ADAMTS17: variants seen among roughly 807,000 people sequenced by gnomAD.
ADAMTS17 encodes the protein ADAM metallopeptidase with thrombospondin type 1 motif 17.
ADAMTS17 carries 113 observed loss-of-function variants against 141.5 expected under a neutral mutation model. The ratio of observed to expected loss-of-function variants is 0.80; its 90% CI spans 0.69 to 0.93. ADAMTS17 has a LOEUF of 0.93. Ranked by LOEUF, ADAMTS17 falls within the 40% of genes least tolerant of loss-of-function variation. ADAMTS17 has a pLI of 0.00. For synonymous variants in ADAMTS17, 768 were observed against 630.6 expected, an observed-to-expected ratio of 1.22 and a Z score of -3.27; for missense variants, 1,659 against 1,517.9, an observed-to-expected ratio of 1.09 and a Z score of -1.54.
intron 3 of ADAMTS17, among the ~76,000 whole-genome samples, chr15:100,319,093 T>C (rs138567254): frequency 9.8e-4 from 150 of 152,348 alleles, no homozygotes; most frequent in African/African-American, 3.4e-3. Flanking sequence ...GAAGTGCATA[T>C]GAAATGACTC....
intron 7 of ADAMTS17, among the ~76,000 whole-genome samples, chr15:100,248,472 CTCTGCCAAGTCCCCATCTTG>C (rs1338448768): frequency 6.6e-6 from 1 of 152,208 alleles, no homozygotes; most frequent in Admixed American, 6.5e-5. Context: ...ACGACCTCAC[CTCTGCCAAGTCCCCATCTTG>C]TCACCTCCCT....
At chr15:100,074,387 AT>A (rs1387033855) in intron 15 of ADAMTS17, among the ~76,000 whole-genome samples, 1 of 133,960 alleles carries the variant, frequency 7.5e-6, no homozygotes. Context: ...GCATAATATA[AT>A]CATATTAAAG....
At chr15:99,979,516 C>T (rs947944446) in intron 20 of ADAMTS17, 6 of 152,228 alleles carry the variant, frequency 3.9e-5, no homozygotes, top group Admixed American at 1.3e-4. Flanking sequence ...GCCACGGAGC[C>T]GAACGCTAAA....
At chr15:99,990,093 T>C (rs1293095137) in intron 20 of ADAMTS17, among the ~76,000 whole-genome samples, 1 of 152,248 alleles carries the variant, frequency 6.6e-6, no homozygotes, top group Non-Finnish European at 1.5e-5. Flanking sequence ...TGGAGTGCAG[T>C]GGTGCAATAA....
chr15:100,214,201 C>T (rs1596295175), intron 7 of ADAMTS17, among the ~76,000 whole-genome samples: 1 of 152,072 alleles, frequency 6.6e-6, no homozygotes, highest in Non-Finnish European at 1.5e-5. Context: ...TCAGCCATGT[C>T]GACAGGGAAG....
intron 3 of ADAMTS17, among the ~76,000 whole-genome samples, chr15:100,309,170 C>T (rs1022301189): frequency 6.6e-6 from 1 of 152,150 alleles, no homozygotes; most frequent in Non-Finnish European, 1.5e-5. Flanking sequence ...AAATCCTGGG[C>T]AGCACAGTGA....
chr15:100,069,673 C>T (rs1390041856), intron 15 of ADAMTS17, among the ~76,000 whole-genome samples: 5 of 152,036 alleles, frequency 3.3e-5, no homozygotes, highest in Admixed American at 6.6e-5. Context: ...AAATAAAATA[C>T]TATACAGACA....
At chr15:99,975,466 T>C (rs2060302102) in intron 21 of ADAMTS17, among the ~76,000 whole-genome samples, 1 of 152,086 alleles carries the variant, frequency 6.6e-6, no homozygotes, top group African/African-American at 2.4e-5. Flanking sequence ...CATCTCGGCC[T>C]CCCAAAGTGC....
chr15:100,337,037 C>A (rs571442136), intron 2 of ADAMTS17, among the ~76,000 whole-genome samples: 32 of 152,344 alleles, frequency 2.1e-4, no homozygotes, highest in Admixed American at 1.8e-3. Flanking sequence ...CCATGCCCAG[C>A]TAATTTTTTG....
At chr15:100,316,379 C>G (rs779322068) in intron 3 of ADAMTS17, among the ~76,000 whole-genome samples, 1 of 152,214 alleles carries the variant, frequency 6.6e-6, no homozygotes, top group East Asian at 1.9e-4. Flanking sequence ...GAGCCAAGAA[C>G]CCCCGGATCA....
chr15:100,282,913 C>G (rs996264426), intron 3 of ADAMTS17, among the ~76,000 whole-genome samples: 3 of 152,160 alleles, frequency 2.0e-5, no homozygotes, highest in Middle Eastern at 3.2e-3. Flanking sequence ...ATCTTACATA[C>G]AAGTATCTTC....
At chr15:100,194,308 C>T (rs1478045780) in intron 8 of ADAMTS17, among the ~76,000 whole-genome samples, 1 of 152,180 alleles carries the variant, frequency 6.6e-6, no homozygotes, top group Non-Finnish European at 1.5e-5. Context: ...CCAGCAGCTG[C>T]ACTAGGACCA....
chr15:100,261,388 G>C, intron 6 of ADAMTS17, 91 bp downstream of exon 6: 1 of 1,578,966 alleles, frequency 6.3e-7, no homozygotes, highest in Non-Finnish European at 8.6e-7. Flanking sequence ...TGATTTCCAA[G>C]CCTGAGTTCT....
chr15:100,205,436 C>T (rs2041502188), intron 7 of ADAMTS17, among the ~76,000 whole-genome samples: 2 of 152,258 alleles, frequency 1.3e-5, no homozygotes, highest in South Asian at 4.1e-4. Flanking sequence ...CCAACTTGAG[C>T]CAAGTGCATG....
chr15:100,259,466 G>A (rs1000892377), intron 6 of ADAMTS17, among the ~76,000 whole-genome samples: 1 of 152,232 alleles, frequency 6.6e-6, no homozygotes, highest in East Asian at 1.9e-4. Context: ...GGGGAGGGCG[G>A]TGCCTGAAGG....
chr15:100,009,967 T>C (rs2061127369), intron 18 of ADAMTS17, among the ~76,000 whole-genome samples: 1 of 152,226 alleles, frequency 6.6e-6, no homozygotes, highest in South Asian at 2.1e-4. Flanking sequence ...ATAATTCCCA[T>C]GTGTCGTGGG....
At chr15:100,024,873 G>C (rs564519157) in intron 18 of ADAMTS17, among the ~76,000 whole-genome samples, 1 of 152,274 alleles carries the variant, frequency 6.6e-6, no homozygotes, top group Non-Finnish European at 1.5e-5. Context: ...TACATGTCTA[G>C]TTGCAATGTG....
At position 100,078,172 on chromosome 15, in the gene ADAMTS17, A is replaced by G. The variant is rs188618157; in HGVS notation, c.2137+18184T>C. 3.7e-3 allele frequency among the ~76,000 whole-genome samples: 565 copies of G among 152,058 alleles called. 1 individual carries two copies. The highest frequency in any genetic ancestry group is 5.8e-3 in the Non-Finnish European group (395 of 67,986). On this transcript the variant is annotated intron_variant, in intron 15 of 21. Transcript: ENST00000268070. ...TGTAAAAAATGTAACTGCTTCACAA[A>G]TTGGTCTACAGATTCAACGTAATCC...
chr15:99,996,209 C>T (rs2060799159), intron 19 of ADAMTS17, among the ~76,000 whole-genome samples: 1 of 152,142 alleles, frequency 6.6e-6, no homozygotes, highest in African/African-American at 2.4e-5. Context: ...CATGCGCCAC[C>T]ATGCCCGGCT....
Sources: gnomAD v4.1 joint callset for allele counts (sites outside exome capture counted in the v4.1 genomes callset) on GRCh38, gnomAD v4.1.1 for gene constraint, MANE v1.5 for transcripts, NCBI Gene and HGNC (gene_info 2026-07-23, HGNC 2026-07-21) for gene names.